AGBL1: variants seen among roughly 807,000 people sequenced by gnomAD.
The protein encoded by AGBL1 is AGBL carboxypeptidase 1.
A neutral mutation model predicts 118.9 loss-of-function variants in AGBL1; 130 were observed. That is an observed-to-expected ratio of 1.09 (90% CI 0.95 to 1.26). The LOEUF is 1.26. Ranked by LOEUF, AGBL1 falls within the 50% of genes most tolerant of loss-of-function variation. The pLI is 0.00. For synonymous variants in AGBL1, 555 were observed against 478.9 expected (o/e 1.16, Z -2.08); for missense variants, 1,584 against 1,298.1 (o/e 1.22, Z -3.38).
At chr15:86,445,738 G>A (rs969057051) in intron 18 of AGBL1, among the ~76,000 whole-genome samples, 4 of 152,166 alleles carry the variant, frequency 2.6e-5, no homozygotes, top group African/African-American at 9.7e-5. Flanking sequence ...AGGCACAAGA[G>A]CCAGTTGAAA....
chr15:86,598,169 C>T (rs1034659382), intron 21 of AGBL1, among the ~76,000 whole-genome samples: 2 of 152,010 alleles, frequency 1.3e-5, no homozygotes, highest in African/African-American at 4.8e-5. Context: ...AGGATTGTCA[C>T]CATAGTCAAC....
chr15:86,479,105 G>T (rs948822238), intron 18 of AGBL1, among the ~76,000 whole-genome samples: 2 of 152,130 alleles, frequency 1.3e-5, no homozygotes, highest in Non-Finnish European at 1.5e-5. Flanking sequence ...AGCCTTAAAT[G>T]TTAGACCTAA....
At chr15:86,262,013 T>C (rs773806124) in intron 9 of AGBL1, among the ~76,000 whole-genome samples, 2 of 151,060 alleles carry the variant, frequency 1.3e-5, no homozygotes, top group African/African-American at 4.9e-5. Context: ...GCCACCTTCT[T>C]TCTGTAAGCA....
intron 17 of AGBL1, among the ~76,000 whole-genome samples, chr15:86,332,999 A>G: frequency 6.6e-6 from 1 of 152,188 alleles, no homozygotes; most frequent in East Asian, 1.9e-4. Context: ...ATAAATGAAC[A>G]CCGATACCAC....
chr15:86,336,465 G>C (rs2080370428), intron 17 of AGBL1, among the ~76,000 whole-genome samples: 2 of 152,324 alleles, frequency 1.3e-5, no homozygotes, highest in South Asian at 4.1e-4. Flanking sequence ...TGCATTTGGA[G>C]CTAAGTGAAT....
intron 18 of AGBL1, among the ~76,000 whole-genome samples, chr15:86,474,707 T>C (rs1208942620): frequency 6.6e-6 from 1 of 152,218 alleles, no homozygotes; most frequent in Non-Finnish European, 1.5e-5. Flanking sequence ...TGTCCCTGTC[T>C]GACAGCTTTG....
intron 24 of AGBL1, among the ~76,000 whole-genome samples, chr15:87,008,601 T>A (rs2081526980): frequency 6.6e-6 from 1 of 152,168 alleles, no homozygotes. Context: ...TGGAACTTGG[T>A]AACAGGCAGG....
chr15:86,730,202 C>G (rs1326625594), intron 22 of AGBL1, among the ~76,000 whole-genome samples: 1 of 151,834 alleles, frequency 6.6e-6, no homozygotes, highest in Non-Finnish European at 1.5e-5. Context: ...TTGGCCTTGG[C>G]AAAAAATTTA....
chr15:86,817,376 G>C (rs2078874508), intron 22 of AGBL1, among the ~76,000 whole-genome samples: 1 of 151,212 alleles, frequency 6.6e-6, no homozygotes, highest in Non-Finnish European at 1.5e-5. Context: ...ACCAATGTTA[G>C]AATATGACCA....
chr15:86,291,253 T>A (rs538113138), intron 16 of AGBL1, among the ~76,000 whole-genome samples: 1 of 152,328 alleles, frequency 6.6e-6, no homozygotes, highest in East Asian at 1.9e-4. Flanking sequence ...TAATCCCCTC[T>A]TCTTTCAAGA....
chr15:86,222,172 G>A (rs184689230), intron 5 of AGBL1, among the ~76,000 whole-genome samples: 261 of 152,274 alleles, frequency 1.7e-3, no homozygotes, highest in Non-Finnish European at 3.2e-3. Context: ...GCCTGGCTAT[G>A]ATGATCATTG....
chr15:86,291,383 TACAC>T (rs992507109), intron 16 of AGBL1, among the ~76,000 whole-genome samples: 1 of 144,890 alleles, frequency 6.9e-6, no homozygotes, highest in East Asian at 1.9e-4. Flanking sequence ...CAGAGACACA[TACAC>T]ACACACACCA....
intron 22 of AGBL1, among the ~76,000 whole-genome samples, chr15:86,793,965 G>A (rs2078534878): frequency 6.6e-6 from 1 of 152,164 alleles, no homozygotes; most frequent in Admixed American, 6.5e-5. Flanking sequence ...CGTTGGTGAG[G>A]CTACAGAGAA....
At chr15:86,547,930 C>T (rs2083607912) in intron 20 of AGBL1, among the ~76,000 whole-genome samples, 1 of 152,062 alleles carries the variant, frequency 6.6e-6, no homozygotes, top group South Asian at 2.1e-4. Context: ...GGCTTTCAAC[C>T]CAAACAGCTT....
intron 17 of AGBL1, among the ~76,000 whole-genome samples, chr15:86,322,850 G>T (rs987142525): frequency 6.6e-6 from 1 of 152,160 alleles, no homozygotes; most frequent in African/African-American, 2.4e-5. Context: ...GGAGCCAAGT[G>T]CAGTAATTTT....
intron 17 of AGBL1, among the ~76,000 whole-genome samples, chr15:86,381,465 C>T (rs1035254105): frequency 2.6e-5 from 4 of 151,930 alleles, no homozygotes; most frequent in African/African-American, 9.7e-5. Flanking sequence ...GTGTTGGCTC[C>T]AGGAAGACTG....
At chr15:86,785,300 A>G (rs1224070783) in intron 22 of AGBL1, among the ~76,000 whole-genome samples, 9 of 151,442 alleles carry the variant, frequency 5.9e-5, no homozygotes, top group African/African-American at 1.9e-4. Flanking sequence ...GACCGTCGGA[A>G]TCCTTTAGGA....
chr15:86,236,540 G>A (rs2078546243), intron 6 of AGBL1, among the ~76,000 whole-genome samples: 1 of 152,032 alleles, frequency 6.6e-6, no homozygotes, highest in Non-Finnish European at 1.5e-5. Flanking sequence ...AATGCACACG[G>A]CTCAAGGTTC....
At chr15:86,526,554 A>G (rs1440225693) in intron 19 of AGBL1, among the ~76,000 whole-genome samples, 77 of 137,432 alleles carry the variant, frequency 5.6e-4, no homozygotes, top group African/African-American at 2.0e-3. Flanking sequence ...GTATATATAT[A>G]TATATATATA....
Sources: allele counts gnomAD v4.1 joint callset (sites outside exome capture counted in the v4.1 genomes callset), GRCh38; gene constraint gnomAD v4.1.1; transcripts MANE v1.5; gene names NCBI Gene and HGNC (gene_info 2026-07-23, HGNC 2026-07-21).